The following TTC17 variants were observed in gnomAD, a reference collection of about 807,000 sequenced individuals.
TTC17 encodes tetratricopeptide repeat domain 17.
A neutral mutation model predicts 143.8 loss-of-function variants in TTC17; 58 were observed. That is an observed-to-expected ratio of 0.40 (90% CI 0.33 to 0.50). The LOEUF is 0.50. TTC17 is among the 20% of genes least tolerant of loss of function. TTC17 has a pLI of 0.49. For synonymous variants in TTC17, 501 were observed against 497.8 expected (o/e 1.01, Z -0.09); for missense variants, 1,273 against 1,392.5 (o/e 0.91, Z 1.37).
At chr11:43,392,188 G>A (rs915952709) in intron 5 of TTC17, among the ~76,000 whole-genome samples, 7 of 152,134 alleles carry the variant, frequency 4.6e-5, no homozygotes, top group African/African-American at 1.7e-4. Context: ...GATGAAAAAC[G>A]AAATATAAAC....
At chr11:43,377,975 G>T (rs1856824366) in intron 1 of TTC17, among the ~76,000 whole-genome samples, 1 of 152,086 alleles carries the variant, frequency 6.6e-6, no homozygotes, top group East Asian at 1.9e-4. Flanking sequence ...GCAATCTCAG[G>T]TCACTGTAGC....
chr11:43,416,898 T>C (rs1360418262), intron 16 of TTC17, among the ~76,000 whole-genome samples: 1 of 152,178 alleles, frequency 6.6e-6, no homozygotes, highest in African/African-American at 2.4e-5. Context: ...TCAAATGTCA[T>C]AGTTTACCTA....
At chr11:43,399,784 C>A (rs1362786267) in intron 8 of TTC17, 104 bp from the exon 9 acceptor site, 8 of 1,137,404 alleles carry the variant, frequency 7.0e-6, no homozygotes, top group Non-Finnish European at 9.9e-6. Flanking sequence ...AAGGAAAACA[C>A]ACAGTAATTG....
chr11:43,488,241 A>G (rs1321020413), intron 21 of TTC17, among the ~76,000 whole-genome samples: 1 of 152,178 alleles, frequency 6.6e-6, no homozygotes, highest in Non-Finnish European at 1.5e-5. Context: ...GCATAGAGTG[A>G]TAGGTCAGAA....
chr11:43,492,326 G>A (rs1489274981), intron 23 of TTC17, among the ~76,000 whole-genome samples, 163 bp downstream of exon 23: 2 of 152,164 alleles, frequency 1.3e-5, no homozygotes, highest in East Asian at 3.8e-4. Flanking sequence ...GGTTCGAGAG[G>A]TTTTTTAAAA....
chr11:43,399,135 A>G (rs1857739425), intron 8 of TTC17, among the ~76,000 whole-genome samples: 1 of 152,186 alleles, frequency 6.6e-6, no homozygotes, highest in Non-Finnish European at 1.5e-5. Flanking sequence ...CCTGGCCTGT[A>G]ACCAATAAGC....
At chr11:43,369,061 A>G (rs1379654384) in intron 1 of TTC17, among the ~76,000 whole-genome samples, 1 of 152,220 alleles carries the variant, frequency 6.6e-6, no homozygotes, top group South Asian at 2.1e-4. Context: ...TTTATCTAAA[A>G]CAGCGTCTAT....
intron 2 of TTC17, among the ~76,000 whole-genome samples, chr11:43,383,141 C>G (rs1857037178): frequency 6.6e-6 from 1 of 152,106 alleles, no homozygotes; most frequent in Admixed American, 6.5e-5. Flanking sequence ...AAGCAGTCCT[C>G]CCACCTTGGG....
At chr11:43,443,701 G>A (rs981176726) in intron 17 of TTC17, 117 bp downstream of exon 17, 70 of 1,304,464 alleles carry the variant, frequency 5.4e-5, no homozygotes, top group Non-Finnish European at 6.4e-5. Flanking sequence ...TGCACTCCAG[G>A]ACAGCCTTCA....
At chr11:43,378,858 C>A in intron 1 of TTC17, 1 of 184,974 alleles carries the variant, frequency 5.4e-6, no homozygotes, top group Non-Finnish European at 1.1e-5. Context: ...ACTTCCAAGC[C>A]TATTCAGATA....
rs890838446 is a variant in TTC17, at chr11:43,486,322, G to A, written c.3031-3917G>A. The A allele has an allele frequency of 4.7e-5, 18 of 382,184 alleles. No individual in the cohort carries two copies. The East Asian group carries it at 6.6e-4, about 14-fold the overall frequency. 23.7% of individuals were successfully genotyped at this position (382,184 alleles called of 1,614,324 possible). On this transcript the variant is annotated intron_variant, in intron 21 of 23. Transcript: ENST00000039989. Reference sequence around the variant, plus strand: ...ACCTGCTGTTGGGCTCAGTCCACACGGGATGTGAATCATCGTGTAGAAGCT... The same window carrying A: ...ACCTGCTGTTGGGCTCAGTCCACACAGGATGTGAATCATCGTGTAGAAGCT...
intron 21 of TTC17, among the ~76,000 whole-genome samples, chr11:43,478,367 A>G (rs938630852): frequency 6.6e-6 from 1 of 152,214 alleles, no homozygotes; most frequent in African/African-American, 2.4e-5. Flanking sequence ...TGAATACTTG[A>G]TGATATTAAA....
chr11:43,444,023 C>T lies in TTC17; in HGVS notation c.2512-33C>T, dbSNP rs1391253664. On this transcript the variant is annotated intron_variant, in intron 17 of 23. Coordinates refer to ENST00000039989, the MANE Select transcript of TTC17 (RefSeq NM_018259.6). ...ATCATTGACAGATTTGATCACTGGT[C>T]TCATTTGTCCCTAACATGTTTCTGT... 2.6e-6 allele frequency: 4 copies of T among 1,565,756 alleles called. No individual in the cohort carries two copies. In the African/African-American group the frequency reaches 4.1e-5, roughly 16 times the overall value.
chr11:43,379,945 T>C (rs892693669), intron 2 of TTC17, among the ~76,000 whole-genome samples: 3 of 152,196 alleles, frequency 2.0e-5, no homozygotes, highest in East Asian at 1.9e-4. Context: ...GTTTTTTTTT[T>C]CTCATGAAAT....
At chr11:43,485,755 T>C (rs912470199) in intron 21 of TTC17, among the ~76,000 whole-genome samples, 2 of 152,148 alleles carry the variant, frequency 1.3e-5, no homozygotes, top group African/African-American at 4.8e-5. Flanking sequence ...AAGATGCCAT[T>C]TTCCCCTCAC....
chr11:43,451,667 A>G (rs1196132702), intron 21 of TTC17, among the ~76,000 whole-genome samples: 3 of 152,208 alleles, frequency 2.0e-5, no homozygotes, highest in Non-Finnish European at 4.4e-5. Flanking sequence ...GAAATCATGA[A>G]ACAAAATATT....
intron 21 of TTC17, among the ~76,000 whole-genome samples, chr11:43,486,129 T>G (rs1488000970): frequency 1.3e-5 from 2 of 150,816 alleles, no homozygotes; most frequent in Non-Finnish European, 2.9e-5. Flanking sequence ...GCCCCAAGTT[T>G]GTCAAGTCTG....
intron 1 of TTC17, among the ~76,000 whole-genome samples, chr11:43,370,918 C>T (rs181016520): frequency 1.0e-3 from 154 of 151,566 alleles, no homozygotes; most frequent in African/African-American, 3.2e-3. Flanking sequence ...TCTCCCACCT[C>T]AGTCTCTCAA....
chr11:43,381,232 A>G (rs1010703700), intron 2 of TTC17, among the ~76,000 whole-genome samples: 2 of 152,186 alleles, frequency 1.3e-5, no homozygotes, highest in Non-Finnish European at 2.9e-5. Context: ...CTTCATATGC[A>G]TAGCAGTGCC....
Sources: gnomAD v4.1 joint callset for allele counts (sites outside exome capture counted in the v4.1 genomes callset) on GRCh38, gnomAD v4.1.1 for gene constraint, MANE v1.5 for transcripts, NCBI Gene and HGNC (gene_info 2026-07-23, HGNC 2026-07-21) for gene names.